NDUFAF7: variants seen among roughly 807,000 people sequenced by gnomAD.
NDUFAF7 encodes NADH:ubiquinone oxidoreductase complex assembly factor 7.
Under a neutral mutation model 47.2 loss-of-function variants are expected in NDUFAF7, and 48 were observed. That is an observed-to-expected ratio of 1.02 (90% CI 0.81 to 1.29). The LOEUF (loss-of-function observed/expected upper bound fraction) is 1.29, where lower values mean the gene tolerates loss of function less well. NDUFAF7 is among the 50% of genes most tolerant of loss of function. The probability of loss-of-function intolerance (pLI) is 0.00; values close to 1 mark genes in which losing one functional copy is unlikely to be tolerated. For missense variants in NDUFAF7, 635 were observed against 537.6 expected (o/e 1.18, Z -1.79); for synonymous variants, 217 against 190.0 (o/e 1.14, Z -1.17).
the NDUFAF7 span, among the ~76,000 whole-genome samples, chr2:37,266,233 T>G: frequency 3.9e-5 from 6 of 152,236 alleles, no homozygotes; most frequent in African/African-American, 1.4e-4. Flanking sequence ...AAATGAATCA[T>G]TTAAGTTTCT....
chr2:37,268,314 T>C, the NDUFAF7 span: 1 of 470,998 alleles, frequency 2.1e-6, no homozygotes, highest in African/African-American at 2.0e-5. Flanking sequence ...GGACAGTTCT[T>C]TGTTCCTCTG....
At chr2:37,270,589 G>A in the NDUFAF7 span, among the ~76,000 whole-genome samples, 1 of 152,200 alleles carries the variant, frequency 6.6e-6, no homozygotes, top group South Asian at 2.1e-4. Flanking sequence ...CATTACAGGT[G>A]TGACTGATGA....
the NDUFAF7 span, among the ~76,000 whole-genome samples, chr2:37,270,074 A>G: frequency 1.2e-4 from 18 of 152,042 alleles, no homozygotes; most frequent in Non-Finnish European, 2.2e-4. Context: ...CTAAAAATAC[A>G]AGATTAGCCA....
At chr2:37,268,196 T>C in the NDUFAF7 span, 1 of 406,708 alleles carries the variant, frequency 2.5e-6, no homozygotes, top group South Asian at 1.9e-5. Flanking sequence ...CTTCTCTACA[T>C]AGCTATTTAT....
the NDUFAF7 span, among the ~76,000 whole-genome samples, chr2:37,259,083 A>T: frequency 6.6e-6 from 1 of 152,134 alleles, no homozygotes; most frequent in African/African-American, 2.4e-5. Context: ...AATTAAGAAA[A>T]ATCAGAGAGT....
chr2:37,256,816 G>C, downstream of NDUFAF7: 2 of 1,613,934 alleles, frequency 1.2e-6, no homozygotes, highest in Non-Finnish European at 1.7e-6. Context: ...GGGAACGGTT[G>C]TAACCTTTGC....
At chr2:37,269,393 C>T in the NDUFAF7 span, 2 of 541,784 alleles carry the variant, frequency 3.7e-6, no homozygotes, top group Non-Finnish European at 6.6e-6. Context: ...ATAAAACACA[C>T]TGTAAAATTT....
chr2:37,256,155 G>C (rs1183193523), downstream of NDUFAF7, among the ~76,000 whole-genome samples: 1 of 152,216 alleles, frequency 6.6e-6, no homozygotes, highest in Non-Finnish European at 1.5e-5. Flanking sequence ...TTGTAGACAA[G>C]GGAAAAACAG....
At chr2:37,231,784 C>T (rs754169701) in intron 1 of NDUFAF7, 24 bp downstream of exon 1, 3 of 1,614,002 alleles carry the variant, frequency 1.9e-6, no homozygotes, top group South Asian at 1.1e-5. Flanking sequence ...CCCTCGAAGC[C>T]CGGTTGCCGT....
At chr2:37,252,841 T>TATATATATATATATATATATA (rs1553362954), downstream of NDUFAF7, 2 of 80,518 alleles carry the variant, frequency 2.5e-5, no homozygotes, top group South Asian at 9.6e-4. Flanking sequence ...AAACATATAT[T>TATATATATATATATATATATA]TATATTTATA....
chr2:37,253,956 A>G (rs1411909339), downstream of NDUFAF7, among the ~76,000 whole-genome samples: 1 of 152,212 alleles, frequency 6.6e-6, no homozygotes, highest in Non-Finnish European at 1.5e-5. Context: ...CTAATCTTAC[A>G]AAAAGGTGAA....
chr2:37,271,291 C>A, the NDUFAF7 span, among the ~76,000 whole-genome samples: 2 of 152,068 alleles, frequency 1.3e-5, no homozygotes, highest in Non-Finnish European at 2.9e-5. Context: ...CCTGTTGCCT[C>A]TTTTTTGTAT....
the NDUFAF7 span, among the ~76,000 whole-genome samples, chr2:37,261,825 A>C: frequency 1.3e-5 from 2 of 152,218 alleles, no homozygotes; most frequent in Non-Finnish European, 2.9e-5. Flanking sequence ...CAATGGTTCA[A>C]CTTACAATTT....
intron 4 of NDUFAF7, among the ~76,000 whole-genome samples, chr2:37,240,873 A>G (rs1342172131): frequency 6.6e-6 from 1 of 152,210 alleles, no homozygotes; most frequent in African/African-American, 2.4e-5. Flanking sequence ...TTTCGATCTC[A>G]AAACTAAATT....
the NDUFAF7 span, among the ~76,000 whole-genome samples, chr2:37,263,654 T>C: frequency 1.6e-4 from 25 of 152,320 alleles, no homozygotes; most frequent in African/African-American, 5.8e-4. Context: ...TTAAATCTTA[T>C]CAGATCATGA....
Position 37,243,893 on chromosome 2 carries a change from G to GT in NDUFAF7, c.714dup (p.Asp239Ter). ...ACCACAGGGATGGCGAGAAGTATTT[G>GT]TTGACATTGATCCACAGGTTTCTGA... is the stretch of plus-strand genomic sequence containing the variant. On this transcript the variant is annotated frameshift_variant, in exon 7 of 10. Transcript: ENST00000002125. LOFTEE classifies it high-confidence loss of function. 5 of 1,614,042 alleles carry GT rather than the reference G, an allele frequency of 3.1e-6. No individual in the cohort carries two copies. Among genetic ancestry groups the GT allele is most frequent in the Non-Finnish European group, 4.2e-6 (5 of 1,179,944 alleles).
At chr2:37,255,882 T>A (rs536030399), downstream of NDUFAF7, among the ~76,000 whole-genome samples, 1 of 152,114 alleles carries the variant, frequency 6.6e-6, no homozygotes, top group South Asian at 2.1e-4. Context: ...TGGCCCATGG[T>A]GCATACCCAT....
chr2:37,258,234 G>T (rs1372550562), downstream of NDUFAF7, among the ~76,000 whole-genome samples: 1 of 152,178 alleles, frequency 6.6e-6, no homozygotes, highest in East Asian at 1.9e-4. Context: ...TGCTATTTCT[G>T]GGATGGTGGA....
chr2:37,260,198 TAA>T, the NDUFAF7 span: 145 of 1,179,756 alleles, frequency 1.2e-4, no homozygotes, highest in South Asian at 1.4e-4. Flanking sequence ...ATCGCTAGTT[TAA>T]AAAAAAAAAG....
Sources: gnomAD v4.1 joint callset for allele counts (sites outside exome capture counted in the v4.1 genomes callset) on GRCh38, gnomAD v4.1.1 for gene constraint, MANE v1.5 for transcripts, NCBI Gene and HGNC (gene_info 2026-07-23, HGNC 2026-07-21) for gene names.